The following DMD variants were observed in gnomAD, a reference collection of about 807,000 sequenced individuals.
DMD encodes the protein mutant dystrophin.
A neutral mutation model predicts 330.1 loss-of-function variants in DMD; 63 were observed. That is an observed-to-expected ratio of 0.19 (90% CI 0.16 to 0.24). DMD has a LOEUF of 0.24. Ranked by LOEUF, DMD falls within the 10% of genes least tolerant of loss-of-function variation. The pLI, the probability that DMD is intolerant of heterozygous loss-of-function variation, is 1.00. For missense variants in DMD, 3,344 were observed against 2,684.1 expected, an observed-to-expected ratio of 1.25 and a Z score of -5.43; for synonymous variants, 1,223 against 959.8, an observed-to-expected ratio of 1.27 and a Z score of -5.07.
intron 2 of DMD, among the ~76,000 whole-genome samples, chrX:32,883,838 A>G (rs1379109884): frequency 1.1e-4 from 12 of 104,603 alleles, no homozygotes; most frequent in East Asian, 9.4e-4. Flanking sequence ...AAAAAAAAAA[A>G]AAAAAAAAAA....
chrX:32,806,562 A>G (rs985722144), intron 7 of DMD, among the ~76,000 whole-genome samples: 1 of 111,505 alleles, frequency 9.0e-6, no homozygotes, highest in African/African-American at 3.3e-5. Flanking sequence ...AAGGATGTTC[A>G]GTACTTGAAC....
intron 1 of DMD, among the ~76,000 whole-genome samples, chrX:33,172,786 C>T (rs138304439): frequency 0.014 from 1,604 of 111,723 alleles, 27 homozygotes; most frequent in African/African-American, 0.05. Context: ...AATTACATGA[C>T]ATTAAATAGT....
intron 1 of DMD, among the ~76,000 whole-genome samples, chrX:33,112,538 T>C (rs1390821326): frequency 9.0e-6 from 1 of 111,504 alleles, no homozygotes; most frequent in Admixed American, 9.6e-5. Flanking sequence ...AAATAGACTT[T>C]TTCAGTAATA....
chrX:31,699,630 A>T (rs942885920), intron 52 of DMD, among the ~76,000 whole-genome samples: 3 of 112,184 alleles, frequency 2.7e-5, no homozygotes, highest in African/African-American at 9.7e-5. Context: ...AGTCTATACA[A>T]ATTTTGCCAC....
At chrX:31,577,619 T>C (rs1356893596) in intron 55 of DMD, among the ~76,000 whole-genome samples, 2 of 112,460 alleles carry the variant, frequency 1.8e-5, no homozygotes, top group African/African-American at 3.2e-5. Flanking sequence ...AGGATTCTTA[T>C]GTGGCTGGGA....
intron 50 of DMD, among the ~76,000 whole-genome samples, chrX:31,804,854 T>C (rs1474717120): frequency 1.8e-5 from 2 of 109,532 alleles, no homozygotes; most frequent in African/African-American, 6.7e-5. Flanking sequence ...TTTTTTTTTT[T>C]CCAGAATTTT....
chrX:31,478,042 A>G, intron 59 of DMD, 64 bp downstream of exon 59: 2 of 1,158,038 alleles, frequency 1.7e-6, no homozygotes, highest in Non-Finnish European at 2.3e-6. Context: ...CACTGCACTC[A>G]AGTTCAGATT....
chrX:31,775,745 C>T (rs2090616607), intron 50 of DMD, among the ~76,000 whole-genome samples: 1 of 111,123 alleles, frequency 9.0e-6, no homozygotes, highest in South Asian at 3.8e-4. Flanking sequence ...ATTTTTATGG[C>T]TATGTAACTG....
intron 2 of DMD, among the ~76,000 whole-genome samples, chrX:32,897,149 T>C (rs1304497944): frequency 8.9e-6 from 1 of 111,811 alleles, no homozygotes; most frequent in African/African-American, 3.2e-5. Flanking sequence ...TGTTCCTCAG[T>C]CTACTTATTA....
At chrX:32,717,729 G>A (rs1256180203) in intron 7 of DMD, among the ~76,000 whole-genome samples, 1 of 111,199 alleles carries the variant, frequency 9.0e-6, no homozygotes, top group Admixed American at 9.6e-5. Context: ...GTCACTCAAT[G>A]CCAGCCCATG....
rs2057410678 is a variant in DMD at position 32,614,508 on chromosome X, A to T, written c.1332-55T>A. On this transcript the variant is annotated intron_variant, in intron 11 of 78. Coordinates refer to ENST00000357033, the MANE Select transcript of DMD (RefSeq NM_004006.3). ...CTCTTTGAAAGCAACTTATTACTGA[A>T]CATCACAATGTAAAACAATAGAATT... The T allele has an allele frequency of 5.1e-6, 5 of 984,038 alleles. No homozygotes were observed. In the East Asian group the frequency reaches 1.6e-4, roughly 31 times the overall value. The allele number at this position is 984,038 out of a possible 1,213,427, so 81.1% of individuals were successfully genotyped here. A position where few individuals can be genotyped will look rare whatever the true frequency, so the allele number is the denominator to read the frequency against.
intron 6 of DMD, among the ~76,000 whole-genome samples, chrX:32,815,187 C>A (rs1317726698): frequency 9.1e-6 from 1 of 109,792 alleles, no homozygotes; most frequent in Non-Finnish European, 1.9e-5. Context: ...GAGCAAGACA[C>A]CTGACAAAGA....
intron 1 of DMD, among the ~76,000 whole-genome samples, chrX:33,181,811 A>T (rs1254472096): frequency 1.8e-5 from 2 of 111,939 alleles, no homozygotes; most frequent in Non-Finnish European, 3.8e-5. Flanking sequence ...GAAAGTCATT[A>T]AAAAAAGAAA....
intron 2 of DMD, among the ~76,000 whole-genome samples, chrX:32,903,495 G>T (rs779307988): frequency 1.8e-5 from 2 of 110,795 alleles, no homozygotes; most frequent in East Asian, 2.9e-4. Context: ...TGGTTTCCAA[G>T]CCTAGCTGAG....
intron 55 of DMD, among the ~76,000 whole-genome samples, chrX:31,590,305 G>GT (rs762902053): frequency 1.8e-5 from 2 of 111,218 alleles, no homozygotes; most frequent in Non-Finnish European, 3.8e-5. Flanking sequence ...ATTCGTAGTT[G>GT]TTTTCCAAAG....
intron 44 of DMD, among the ~76,000 whole-genome samples, chrX:31,990,031 A>G (rs1021651050): frequency 8.9e-6 from 1 of 111,836 alleles, no homozygotes; most frequent in African/African-American, 3.3e-5. Flanking sequence ...ACATTCATAG[A>G]AAAAACTGTA....
intron 43 of DMD, among the ~76,000 whole-genome samples, chrX:32,263,937 C>A (rs1239494855): frequency 8.9e-6 from 1 of 111,954 alleles, no homozygotes; most frequent in African/African-American, 3.3e-5. Flanking sequence ...GAGACTACTG[C>A]TCTCAGCAAA....
At chrX:33,105,743 G>A (rs1348857312) in intron 1 of DMD, among the ~76,000 whole-genome samples, 2 of 111,923 alleles carry the variant, frequency 1.8e-5, no homozygotes, top group Non-Finnish European at 1.9e-5. Context: ...ATCTTAGCCA[G>A]AATGGCCATT....
chrX:33,171,904 T>C (rs1426132655), intron 1 of DMD, among the ~76,000 whole-genome samples: 1 of 110,810 alleles, frequency 9.0e-6, no homozygotes, highest in East Asian at 2.8e-4. Flanking sequence ...ATTTTATAGA[T>C]AGGAAAAGGA....
Sources: gnomAD v4.1 joint callset for allele counts (sites outside exome capture counted in the v4.1 genomes callset) on GRCh38, gnomAD v4.1.1 for gene constraint, MANE v1.5 for transcripts, NCBI Gene and HGNC (gene_info 2026-07-23, HGNC 2026-07-21) for gene names.